PFKFB1: variants seen among roughly 807,000 people sequenced by gnomAD.
The protein encoded by PFKFB1 is 6-phosphofructo-2-kinase/fructose-2,6-biphosphatase 1, also known as 6-phosphofructo-2-kinase/fructose-2,6-bisphosphatase 1.
PFKFB1 carries 34 observed loss-of-function variants against 46.4 expected under a neutral mutation model. The observed-to-expected ratio is 0.73, with a 90% confidence interval of 0.56 to 0.98. The LOEUF (loss-of-function observed/expected upper bound fraction) is 0.98. PFKFB1 is among the 50% of genes least tolerant of loss of function. The pLI, the probability that PFKFB1 is intolerant of heterozygous loss-of-function variation, is 0.00. For synonymous variants in PFKFB1, 119 were observed against 133.8 expected (o/e 0.89, Z 0.76); for missense variants, 393 against 376.3 (o/e 1.04, Z -0.37).
intron 7 of PFKFB1, 90 bp downstream of exon 7, chrX:54,956,063 C>T: frequency 1.8e-6 from 1 of 547,398 alleles, no homozygotes; most frequent in South Asian, 3.3e-5. Flanking sequence ...AAGTTGAGGC[C>T]CAGCAAGGGA....
chrX:54,955,000 C>T (rs1934091692), intron 7 of PFKFB1, among the ~76,000 whole-genome samples: 1 of 112,074 alleles, frequency 8.9e-6, no homozygotes, highest in Non-Finnish European at 1.9e-5. Context: ...GCTCCTTTCA[C>T]CATATGCTGT....
chrX:54,941,459 T>A (rs1933629622), intron 10 of PFKFB1, among the ~76,000 whole-genome samples: 1 of 111,757 alleles, frequency 8.9e-6, no homozygotes, highest in African/African-American at 3.3e-5. Flanking sequence ...ACAGGCAACC[T>A]ACAGAATGGG....
chrX:54,946,551 C>T (rs745658349), intron 9 of PFKFB1, among the ~76,000 whole-genome samples: 149 of 111,827 alleles, frequency 1.3e-3, no homozygotes, highest in African/African-American at 4.6e-3. Context: ...AACCCCTACC[C>T]CAACCCACAA....
chrX:54,962,108 T>TGA (rs1335690696), intron 2 of PFKFB1, among the ~76,000 whole-genome samples: 1 of 110,940 alleles, frequency 9.0e-6, no homozygotes, highest in Admixed American at 9.6e-5. Flanking sequence ...TGGAGGCCTT[T>TGA]GAGAGAATTG....
upstream of PFKFB1, chrX:54,994,630 G>A (rs751323518): frequency 1.3e-5 from 10 of 752,746 alleles, no homozygotes; most frequent in East Asian, 1.4e-3. Flanking sequence ...CTGGCAATTA[G>A]AGGCCCAAAC....
chrX:54,979,642 T>C (rs1362982490), intron 1 of PFKFB1, among the ~76,000 whole-genome samples: 1 of 111,786 alleles, frequency 8.9e-6, no homozygotes, highest in Non-Finnish European at 1.9e-5. Context: ...CCTGGTAGCC[T>C]GGAGCAGTGT....
chrX:54,974,835 G>T (rs145648146), intron 1 of PFKFB1, among the ~76,000 whole-genome samples: 2,365 of 110,917 alleles, frequency 0.021, 53 homozygotes, highest in African/African-American at 0.073. Context: ...TATAAACAGC[G>T]AACAAACACA....
rs765168240 is a variant in PFKFB1, at chrX:54,993,891, C to T, written c.97+20G>A. On this transcript the variant is annotated intron_variant, in intron 1 of 13. Coordinates refer to ENST00000375006, the MANE Select transcript of PFKFB1 (RefSeq NM_002625.4). ...TCTACCACCACCACCTTTAAACCCA[C>T]GGAAGCAAACCCCACTTACAGCCCC... The T allele has an allele frequency of 1.0e-5, 12 of 1,194,581 alleles. No individual in the cohort carries two copies. In the South Asian group the frequency reaches 1.5e-4, roughly 15 times the overall value.
chrX:54,980,903 C>T (rs1934967577), intron 1 of PFKFB1, among the ~76,000 whole-genome samples: 1 of 111,003 alleles, frequency 9.0e-6, no homozygotes, highest in South Asian at 3.7e-4. Flanking sequence ...AGTATGTCAA[C>T]GAAATGTGAG....
At chrX:54,972,198 C>G (rs1386909389) in intron 1 of PFKFB1, among the ~76,000 whole-genome samples, 11 of 110,992 alleles carry the variant, frequency 9.9e-5, no homozygotes, top group East Asian at 2.8e-4. Context: ...TGTATCCTGA[C>G]ACTTTGCTGA....
intron 4 of PFKFB1, 25 bp downstream of exon 4, chrX:54,959,802 A>C: frequency 6.3e-6 from 7 of 1,103,227 alleles, no homozygotes; most frequent in Non-Finnish European, 8.8e-6. Flanking sequence ...TAGTTACCCA[A>C]GGAAAAAATA....
intron 1 of PFKFB1, 120 bp from the exon 2 acceptor site, chrX:54,963,502 G>T: frequency 1.3e-6 from 1 of 765,390 alleles, no homozygotes; most frequent in East Asian, 3.4e-5. Context: ...CGAAAAAACC[G>T]GGAAAGTGAA....
intron 11 of PFKFB1, among the ~76,000 whole-genome samples, chrX:54,936,026 T>C (rs1933377593): frequency 1.8e-5 from 2 of 111,197 alleles, no homozygotes; most frequent in Admixed American, 1.9e-4. Flanking sequence ...TGCTCCTCCT[T>C]GTTTTTGTCA....
intron 1 of PFKFB1, among the ~76,000 whole-genome samples, chrX:54,968,634 C>T (rs1934547564): frequency 9.0e-6 from 1 of 110,675 alleles, no homozygotes; most frequent in Admixed American, 9.6e-5. Context: ...GAAACAAATT[C>T]CTCAAAAAGA....
upstream of PFKFB1, among the ~76,000 whole-genome samples, chrX:54,996,268 G>C (rs1935355452): frequency 8.9e-6 from 1 of 111,999 alleles, no homozygotes; most frequent in African/African-American, 3.2e-5. Context: ...CCCTTTCCCT[G>C]TATGTTTTCC....
intron 7 of PFKFB1, among the ~76,000 whole-genome samples, chrX:54,953,119 C>G (rs1340718191): frequency 8.9e-6 from 1 of 112,003 alleles, no homozygotes; most frequent in African/African-American, 3.3e-5. Context: ...CTACGCTGTA[C>G]CAGGCATTAA....
At chrX:54,940,345 CCT>C (rs1438621218) in intron 10 of PFKFB1, among the ~76,000 whole-genome samples, 1 of 111,440 alleles carries the variant, frequency 9.0e-6, no homozygotes, top group East Asian at 2.8e-4. Context: ...ACAGGGATGC[CCT>C]CTCTCACCAC....
chrX:54,985,277 A>C (rs2063099528), intron 1 of PFKFB1, among the ~76,000 whole-genome samples: 1 of 111,545 alleles, frequency 9.0e-6, no homozygotes, highest in Non-Finnish European at 1.9e-5. Flanking sequence ...TAATTAGATA[A>C]GGCTGCTGGG....
Position 54,933,039 on chromosome X carries a change from A to C in PFKFB1, c.*364T>G. 1 of 180,821 alleles carries C rather than the reference A, an allele frequency of 5.5e-6. No homozygotes were observed. Among genetic ancestry groups the C allele is most frequent in the South Asian group, 1.6e-4 (1 of 6,271 alleles). 14.9% of individuals were successfully genotyped at this position (180,821 alleles called of 1,213,427 possible). A position where few individuals can be genotyped will look rare whatever the true frequency, so the allele number is the denominator to read the frequency against. The stretch of plus-strand genomic sequence containing the variant: ...CCATCTTTGGAGGTGCTACTGTAGA[A>C]CTTTTCCCTCCAGGAAATCCTCACC... On this transcript the variant is annotated 3_prime_UTR_variant, in exon 14 of 14. Transcript: ENST00000375006.
Sources: allele counts gnomAD v4.1 joint callset (sites outside exome capture counted in the v4.1 genomes callset), GRCh38; gene constraint gnomAD v4.1.1; transcripts MANE v1.5; gene names NCBI Gene and HGNC (gene_info 2026-07-23, HGNC 2026-07-21).